Variants in SNRPN observed in about 807,000 individuals in gnomAD.
The protein encoded by SNRPN is small nuclear ribonucleoprotein polypeptide N.
SNRPN carries 7 observed loss-of-function variants against 25.2 expected under a neutral mutation model. That is an observed-to-expected ratio of 0.28 (90% CI 0.16 to 0.52). SNRPN has a LOEUF of 0.52. Ranked by LOEUF, SNRPN falls within the 20% of genes least tolerant of loss-of-function variation. The pLI, the probability that SNRPN is intolerant of heterozygous loss-of-function variation, is 0.96. For missense variants in SNRPN, 196 were observed against 322.5 expected (o/e 0.61, Z 3.00); for synonymous variants, 124 against 110.6 (o/e 1.12, Z -0.76).
chr15:24,853,219 A>G (rs2053047324), upstream of SNRPN, among the ~76,000 whole-genome samples: 1 of 152,124 alleles, frequency 6.6e-6, no homozygotes, highest in Non-Finnish European at 1.5e-5. Context: ...ACTGCTATCC[A>G]TGCTTTATTC....
chr15:24,936,078 G>A (rs888499250), intron 3 of SNRPN, among the ~76,000 whole-genome samples: 2 of 151,238 alleles, frequency 1.3e-5, no homozygotes, highest in African/African-American at 4.9e-5. Context: ...TCATGCCACT[G>A]CACTCCCGCC....
At chr15:24,855,292 A>G (rs1005568714), upstream of SNRPN, among the ~76,000 whole-genome samples, 1 of 152,192 alleles carries the variant, frequency 6.6e-6, no homozygotes, top group East Asian at 1.9e-4. Context: ...ATGGATTATT[A>G]GTTCATTTCA....
intron 3 of SNRPN, chr15:24,920,423 G>A (rs889463375): frequency 1.3e-5 from 2 of 152,128 alleles, no homozygotes; most frequent in East Asian, 3.9e-4. Context: ...TCACCTGGGG[G>A]CTTGTTAAAC....
chr15:24,896,908 T>C (rs890816410), intron 2 of SNRPN, among the ~76,000 whole-genome samples: 2 of 151,944 alleles, frequency 1.3e-5, no homozygotes, highest in African/African-American at 4.8e-5. Flanking sequence ...TCCCATCACT[T>C]TGGGAGGCTG....
rs1411420762 is a variant in SNRPN at position 24,970,307 on chromosome 15, TG to T, written c.-144+2227del. Among the ~76,000 whole-genome samples the T allele has an allele frequency of 2.0e-5, 3 of 152,138 alleles. No homozygotes were observed. In the East Asian group the frequency reaches 5.8e-4, roughly 29 times the overall value. On this transcript the variant is annotated intron_variant, in intron 3 of 9. Transcript: ENST00000390687. Reference sequence around the variant, plus strand: ...AATAAACTATTAATGTGGCCGGGTGTGGTGGCTCACGCCTGTCATCCTAGCA... The same window carrying T: ...AATAAACTATTAATGTGGCCGGGTGTGTGGCTCACGCCTGTCATCCTAGCA...
intron 2 of SNRPN, among the ~76,000 whole-genome samples, chr15:24,897,420 T>G (rs2058141289): frequency 6.6e-6 from 1 of 152,216 alleles, no homozygotes; most frequent in African/African-American, 2.4e-5. Flanking sequence ...AGACCCTGTC[T>G]CTACAAAATT....
At chr15:24,923,699 T>A (rs1340979039) in intron 3 of SNRPN, among the ~76,000 whole-genome samples, 2 of 152,028 alleles carry the variant, frequency 1.3e-5, no homozygotes, top group East Asian at 3.9e-4. Context: ...AGCAAAATAA[T>A]CTAGGCAAAA....
chr15:24,969,780 C>G (rs1245582655), intron 3 of SNRPN, among the ~76,000 whole-genome samples: 1 of 152,168 alleles, frequency 6.6e-6, no homozygotes. Context: ...GTACCCATTA[C>G]TAGTATTCCT....
rs1028572483 is a variant in SNRPN at position 24,967,972 on chromosome 15, C to G, written c.-254C>G. 3.1e-6 allele frequency: 5 copies of G among 1,613,866 alleles called. No homozygotes were observed. The highest frequency in any genetic ancestry group is 2.7e-5 in the African/African-American group (2 of 74,840). On this transcript the variant is annotated 5_prime_UTR_variant, in exon 3 of 10. Transcript: ENST00000390687. ...GAGGCGTTCTCAGCAGCAGCAAGTA[C>G]CTGTGGTGGATTTCCAGGCTGAACT...
intron 2 of SNRPN, among the ~76,000 whole-genome samples, chr15:24,914,078 A>G (rs2059379915): frequency 6.6e-6 from 1 of 152,162 alleles, no homozygotes; most frequent in Non-Finnish European, 1.5e-5. Flanking sequence ...TCTCCCTGGT[A>G]AAAGCGTGAG....
At chr15:24,868,537 T>C (rs1210592025) in intron 1 of SNRPN, among the ~76,000 whole-genome samples, 1 of 152,196 alleles carries the variant, frequency 6.6e-6, no homozygotes, top group Non-Finnish European at 1.5e-5. Context: ...TAAGTCAAGG[T>C]TGCTGCCCAC....
At chr15:24,885,148 C>G (rs935817508) in intron 1 of SNRPN, among the ~76,000 whole-genome samples, 1 of 152,092 alleles carries the variant, frequency 6.6e-6, no homozygotes, top group African/African-American at 2.4e-5. Context: ...AACTTGAAAG[C>G]ATATATTGTT....
At chr15:24,888,425 A>G (rs966326267) in intron 2 of SNRPN, among the ~76,000 whole-genome samples, 5 of 151,960 alleles carry the variant, frequency 3.3e-5, no homozygotes, top group African/African-American at 1.2e-4. Flanking sequence ...TGTCAACTAT[A>G]TTTTCTTAAC....
At chr15:24,918,496 G>T (rs996165788) in intron 2 of SNRPN, among the ~76,000 whole-genome samples, 1 of 126,606 alleles carries the variant, frequency 7.9e-6, no homozygotes, top group Non-Finnish European at 1.6e-5. Flanking sequence ...ATATATATGT[G>T]TGTATATATA....
intron 2 of SNRPN, among the ~76,000 whole-genome samples, chr15:24,916,154 G>A (rs2059508429): frequency 6.6e-6 from 1 of 151,878 alleles, no homozygotes; most frequent in South Asian, 2.1e-4. Flanking sequence ...AGATAATGGG[G>A]TTTCACTACG....
At chr15:24,885,131 T>G (rs1461834578) in intron 1 of SNRPN, among the ~76,000 whole-genome samples, 9 of 152,208 alleles carry the variant, frequency 5.9e-5, no homozygotes. Context: ...AAGCCATAAC[T>G]GTAAGTAACT....
intron 2 of SNRPN, among the ~76,000 whole-genome samples, chr15:24,899,174 C>A (rs1362804847): frequency 6.6e-6 from 1 of 152,210 alleles, no homozygotes; most frequent in African/African-American, 2.4e-5. Context: ...TCTCTCCCAA[C>A]ACTCAGCTTT....
chr15:24,881,535 G>C (rs1246444319), intron 1 of SNRPN, among the ~76,000 whole-genome samples: 1 of 46,042 alleles, frequency 2.2e-5, no homozygotes, highest in Non-Finnish European at 4.2e-5. Flanking sequence ...CCGAGAGAGA[G>C]AGAGAGAGAG....
At chr15:24,930,976 A>T (rs1403158889) in intron 3 of SNRPN, among the ~76,000 whole-genome samples, 1 of 151,684 alleles carries the variant, frequency 6.6e-6, no homozygotes, top group African/African-American at 2.4e-5. Flanking sequence ...TGAGGTGGGG[A>T]GCCCTAGTGG....
Sources: gnomAD v4.1 joint callset for allele counts (sites outside exome capture counted in the v4.1 genomes callset) on GRCh38, gnomAD v4.1.1 for gene constraint, MANE v1.5 for transcripts, NCBI Gene and HGNC (gene_info 2026-07-23, HGNC 2026-07-21) for gene names.